CR1L: variants seen among roughly 807,000 people sequenced by gnomAD.
CR1L encodes complement component receptor 1-like protein.
Under a neutral mutation model 62.3 loss-of-function variants are expected in CR1L, and 59 were observed. The ratio of observed to expected loss-of-function variants is 0.95; its 90% CI spans 0.77 to 1.18. The LOEUF (loss-of-function observed/expected upper bound fraction) is 1.18. Ranked by LOEUF, CR1L falls within the 50% of genes most tolerant of loss-of-function variation. The probability of loss-of-function intolerance (pLI) is 0.00; values close to 1 mark genes in which losing one functional copy is unlikely to be tolerated. For synonymous variants in CR1L, 279 were observed against 248.7 expected (o/e 1.12, Z -1.15); for missense variants, 700 against 702.8 (o/e 1.00, Z 0.04).
chr1:207,710,148 A>G (rs995859952), intron 10 of CR1L, among the ~76,000 whole-genome samples: 1 of 152,170 alleles, frequency 6.6e-6, no homozygotes, highest in Non-Finnish European at 1.5e-5. Flanking sequence ...GTTCAAGACC[A>G]GCATGGCCAA....
chr1:207,707,819 CAT>C lies in CR1L; in HGVS notation c.1329-356_1329-355del, dbSNP rs1471494780. On this transcript the variant is annotated intron_variant, in intron 9 of 11. Transcript: ENST00000508064. The stretch of plus-strand genomic sequence containing the variant: ...ACACACACACACACACACACACACA[CAT>C]ATTAAGGGAATACGCAAACAAAAAA... 4.3e-3 allele frequency among the ~76,000 whole-genome samples: 614 copies of C among 143,414 alleles called. 6 individuals carry two copies. Among genetic ancestry groups the C allele is most frequent in the African/African-American group, 0.012 (412 of 34,532 alleles). 94.1% of individuals were successfully genotyped at this position (143,414 alleles called of 152,430 possible).
intron 11 of CR1L, among the ~76,000 whole-genome samples, chr1:207,720,315 C>T (rs1654102485): frequency 6.6e-6 from 1 of 151,836 alleles, no homozygotes; most frequent in Non-Finnish European, 1.5e-5. Flanking sequence ...ATTTCATGAT[C>T]TTAGAGACTA....
chr1:207,663,415 G>A (rs1663458113), intron 1 of CR1L, among the ~76,000 whole-genome samples: 1 of 152,236 alleles, frequency 6.6e-6, no homozygotes, highest in African/African-American at 2.4e-5. Context: ...CAATGAGCAA[G>A]ACTCCGTGGG....
rs1418113248 is a variant in CR1L at position 207,677,450 on chromosome 1, T to C, written c.159T>C (p.Phe53=). ...GGCCTACCAACCTAACTGATGACTTTGAGTTTCCCATTGGGACATATCTGA... is the reference window on the plus strand; with the variant it reads ...GGCCTACCAACCTAACTGATGACTTCGAGTTTCCCATTGGGACATATCTGA... ...FARPTNLTDD[F]EFPIGTYLNY... The change falls in exon 2 of 12, where the codon TTT becomes TTC. Residue 53 remains phenylalanine, a synonymous_variant. Coordinates refer to ENST00000508064, the MANE Select transcript of CR1L (RefSeq NM_175710.2). The C allele has an allele frequency of 9.9e-6, 16 of 1,613,786 alleles. No individual in the cohort carries two copies. In the Admixed American group the frequency reaches 2.7e-4, roughly 27 times the overall value.
chr1:207,694,367 C>T lies in CR1L; in HGVS notation c.478C>T (p.Leu160=). ...TCCTTTCCCAGGAATTATTTGTGGGCTACCCCCCACCATCGCCAATGGAGA... is the reference window on the plus strand; with the variant it reads ...TCCTTTCCCAGGAATTATTTGTGGGTTACCCCCCACCATCGCCAATGGAGA... The part of the protein sequence containing the change: ...TPVCDRIICG[L]PPTIANGDFT... Residue 160 remains leucine, a synonymous_variant, in exon 5 of 12, where the codon CTA becomes TTA. Transcript: ENST00000508064. 1 of 1,613,972 alleles carries T rather than the reference C, an allele frequency of 6.2e-7. No homozygotes were observed. Among genetic ancestry groups the T allele is most frequent in the Non-Finnish European group, 8.5e-7 (1 of 1,179,874 alleles).
At chr1:207,666,713 T>C (rs1365263976) in intron 1 of CR1L, among the ~76,000 whole-genome samples, 1 of 152,062 alleles carries the variant, frequency 6.6e-6, no homozygotes, top group Admixed American at 6.6e-5. Flanking sequence ...GGGTAGAGGA[T>C]AGGAAGAGGG....
intron 1 of CR1L, among the ~76,000 whole-genome samples, chr1:207,671,551 T>A (rs892431504): frequency 6.6e-6 from 1 of 150,884 alleles, no homozygotes; most frequent in Admixed American, 6.6e-5. Context: ...TTAGGGCAAC[T>A]ACTGAAAAAA....
At chr1:207,646,710 C>CAA (rs34443417) in intron 1 of CR1L, among the ~76,000 whole-genome samples, 3,656 of 64,536 alleles carry the variant, frequency 0.057, 501 homozygotes, top group African/African-American at 0.2. Context: ...GACCCTGTCT[C>CAA]AAAAAAAAAA....
intron 2 of CR1L, among the ~76,000 whole-genome samples, 166 bp from the exon 3 acceptor site, chr1:207,678,032 G>A (rs1318133764): frequency 6.6e-6 from 1 of 152,162 alleles, no homozygotes; most frequent in Non-Finnish European, 1.5e-5. Flanking sequence ...TTGAAAGGGA[G>A]CTGATCCTGA....
chr1:207,700,584 GA>G (rs1156311618), intron 8 of CR1L, among the ~76,000 whole-genome samples: 1 of 152,160 alleles, frequency 6.6e-6, no homozygotes, highest in Admixed American at 6.5e-5. Context: ...AAAGCAATCT[GA>G]ATCCATTTGG....
At chr1:207,708,893 G>A in intron 10 of CR1L, 1 of 400,284 alleles carries the variant, frequency 2.5e-6, no homozygotes, top group South Asian at 1.9e-5. Context: ...TACTGGCTGG[G>A]CACTGCCCTA....
At chr1:207,698,530 A>C (rs1664143227) in intron 7 of CR1L, among the ~76,000 whole-genome samples, 1 of 152,208 alleles carries the variant, frequency 6.6e-6, no homozygotes, top group African/African-American at 2.4e-5. Context: ...TGGGCAACAA[A>C]GCACCTGATC....
rs551917106 is a variant in CR1L at position 207,669,860 on chromosome 1, T to G, written c.98-7529T>G. Among the ~76,000 whole-genome samples, 71 of 151,406 alleles carry G rather than the reference T, an allele frequency of 4.7e-4. 3 individuals carry two copies. The highest frequency in any genetic ancestry group is 4.1e-4 in the South Asian group (2 of 4,834). On this transcript the variant is annotated intron_variant, in intron 1 of 11. Coordinates refer to ENST00000508064, the MANE Select transcript of CR1L (RefSeq NM_175710.2). ...CGGGTGCCGCACGAAATTCCTTGCC[T>G]TTGTGTATTCACAGCCTCGGCTGGC...
intron 1 of CR1L, among the ~76,000 whole-genome samples, chr1:207,646,908 C>T (rs574602744): frequency 3.3e-5 from 5 of 152,176 alleles, no homozygotes; most frequent in Admixed American, 2.6e-4. Context: ...CGTTGCATTT[C>T]TTCTCTTAGG....
rs1558017874 is a variant in CR1L at position 207,682,992 on chromosome 1, T to TTTCTTTCTTTC, written c.378-878_378-877insCTTTCTTTCTT. 8.2e-3 allele frequency among the ~76,000 whole-genome samples: 691 copies of TTTCTTTCTTTC among 84,108 alleles called. 5 individuals carry two copies. Among genetic ancestry groups the TTTCTTTCTTTC allele is most frequent in the South Asian group, 0.049 (148 of 3,050 alleles). 55.2% of individuals were successfully genotyped at this position (84,108 alleles called of 152,430 possible). ...TCTTTCTTTCTTTCTTTCTTTCTTT[T>TTTCTTTCTTTC]TTTCTTTCTTTCTTTCTTTTTCTTT... is the stretch of plus-strand genomic sequence containing the variant. On this transcript the variant is annotated intron_variant, in intron 3 of 11. Transcript: ENST00000508064.
At chr1:207,722,650 T>A (rs1279924849) in intron 11 of CR1L, among the ~76,000 whole-genome samples, 1 of 152,194 alleles carries the variant, frequency 6.6e-6, no homozygotes, top group Non-Finnish European at 1.5e-5. Context: ...TTTTTTAAAT[T>A]GTCCATTAAA....
chr1:207,683,608 G>A (rs1663842713), intron 3 of CR1L, among the ~76,000 whole-genome samples: 1 of 152,056 alleles, frequency 6.6e-6, no homozygotes, highest in African/African-American at 2.4e-5. Flanking sequence ...GAAATTTATA[G>A]GAAAAACTGT....
At chr1:207,715,029 G>A (rs1018703425) in intron 10 of CR1L, among the ~76,000 whole-genome samples, 1 of 152,196 alleles carries the variant, frequency 6.6e-6, no homozygotes, top group African/African-American at 2.4e-5. Flanking sequence ...GCCTTCTGTA[G>A]GTGATGCTGG....
intron 11 of CR1L, 35 bp downstream of exon 11, chr1:207,717,726 C>G (rs777060452): frequency 6.2e-7 from 1 of 1,608,502 alleles, no homozygotes; most frequent in South Asian, 1.1e-5. Context: ...TAAATGGGTT[C>G]AGAATATGTA....
Sources: gnomAD v4.1 joint callset for allele counts (sites outside exome capture counted in the v4.1 genomes callset) on GRCh38, gnomAD v4.1.1 for gene constraint, MANE v1.5 for transcripts, NCBI Gene and HGNC (gene_info 2026-07-23, HGNC 2026-07-21) for gene names.